The following LEF1 variants were observed in gnomAD, a reference collection of about 807,000 sequenced individuals.
The protein encoded by LEF1 is lymphoid enhancer-binding factor 1.
A neutral mutation model predicts 51.2 loss-of-function variants in LEF1; 14 were observed. The ratio of observed to expected loss-of-function variants is 0.27; its 90% CI spans 0.18 to 0.43. The LOEUF is 0.43. LEF1 is among the 20% of genes least tolerant of loss of function. The probability of loss-of-function intolerance (pLI) is 1.00; values close to 1 mark genes in which losing one functional copy is unlikely to be tolerated. For synonymous variants in LEF1, 185 were observed against 183.2 expected (o/e 1.01, Z -0.08); for missense variants, 386 against 512.0 (o/e 0.75, Z 2.37).
intron 3 of LEF1, among the ~76,000 whole-genome samples, chr4:108,126,805 A>C (rs1184005092): frequency 2.4e-4 from 3 of 12,456 alleles, no homozygotes; most frequent in Non-Finnish European, 1.1e-3. Context: ...ACTTTCTCTC[A>C]AAAAAAAAAA....
intron 1 of LEF1, among the ~76,000 whole-genome samples, chr4:108,165,728 C>T (rs143309126): frequency 6.6e-6 from 1 of 152,322 alleles, no homozygotes; most frequent in Non-Finnish European, 1.5e-5. Flanking sequence ...TGCAGGCTTA[C>T]AAAAGTAGAA....
intron 9 of LEF1, 171 bp downstream of exon 9, chr4:108,070,492 C>T (rs1738399287): frequency 4.8e-6 from 2 of 418,136 alleles, no homozygotes; most frequent in Non-Finnish European, 8.5e-6. Context: ...AAAAAGATAG[C>T]TCGAAGCTTT....
intron 3 of LEF1, among the ~76,000 whole-genome samples, chr4:108,115,373 C>T (rs1741769667): frequency 6.6e-6 from 1 of 152,130 alleles, no homozygotes; most frequent in Admixed American, 6.5e-5. Context: ...ATGGTGAGTC[C>T]ATGTCATTCT....
At chr4:108,119,674 A>G (rs1490667229) in intron 3 of LEF1, among the ~76,000 whole-genome samples, 1 of 151,758 alleles carries the variant, frequency 6.6e-6, no homozygotes, top group Admixed American at 6.6e-5. Context: ...TCATTACAAA[A>G]AGAAACACAT....
At chr4:108,115,846 TACACACACACACACACACACACACAC>T (rs55839332) in intron 3 of LEF1, among the ~76,000 whole-genome samples, 2 of 139,376 alleles carry the variant, frequency 1.4e-5, no homozygotes, top group African/African-American at 5.4e-5. Context: ...ATGTAACACA[TACACACACACACACACACACACACAC>T]ACACACACAC....
rs1468368764 is a variant in LEF1 at position 108,064,320 on chromosome 4, G to T, written c.1165+16C>A. 6.3e-7 allele frequency: 1 copy of T among 1,599,460 alleles called. No individual in the cohort carries two copies. Among genetic ancestry groups the T allele is most frequent in the Non-Finnish European group, 8.6e-7 (1 of 1,166,814 alleles). On this transcript the variant is annotated intron_variant, in intron 10 of 11. Coordinates refer to ENST00000265165, the MANE Select transcript of LEF1 (RefSeq NM_016269.5). Reference sequence around the variant, plus strand: ...CAGAAGCCTGAGGATTGACTGGAAAGTCTCATGGTGCCTACCTGATGCAGA... The same window carrying T: ...CAGAAGCCTGAGGATTGACTGGAAATTCTCATGGTGCCTACCTGATGCAGA...
rs78798762 is a variant in LEF1 at position 108,094,959 on chromosome 4, C to A, written c.415-5702G>T. ...TCTCAAGCCTTCCCAGAAAGAGAGG[C>A]AGATTTACTCCAAAAGGATACATTG... On this transcript the variant is annotated intron_variant, in intron 3 of 11. Coordinates refer to ENST00000265165, the MANE Select transcript of LEF1 (RefSeq NM_016269.5). Among the ~76,000 whole-genome samples the A allele has an allele frequency of 7.6e-3, 1,164 of 152,292 alleles. 14 individuals carry two copies. The highest frequency in any genetic ancestry group is 0.026 in the African/African-American group (1,068 of 41,552).
At chr4:108,144,028 TGAAAA>T (rs1397820226) in intron 3 of LEF1, among the ~76,000 whole-genome samples, 4 of 152,008 alleles carry the variant, frequency 2.6e-5, no homozygotes, top group African/African-American at 9.6e-5. Context: ...TGCTCCTTAC[TGAAAA>T]GAAAAGAAAA....
intron 3 of LEF1, among the ~76,000 whole-genome samples, chr4:108,118,738 G>A (rs1207661794): frequency 6.6e-6 from 1 of 152,130 alleles, no homozygotes; most frequent in Non-Finnish European, 1.5e-5. Context: ...GATGGCCACT[G>A]CAGCCTGCTC....
chr4:108,149,854 A>G (rs1744258460), intron 3 of LEF1, among the ~76,000 whole-genome samples: 2 of 151,974 alleles, frequency 1.3e-5, no homozygotes, highest in South Asian at 4.1e-4. Flanking sequence ...CAATTCATCA[A>G]AATGAAACCA....
At chr4:108,095,604 G>C (rs1369455887) in intron 3 of LEF1, among the ~76,000 whole-genome samples, 1 of 152,182 alleles carries the variant, frequency 6.6e-6, no homozygotes, top group Non-Finnish European at 1.5e-5. Flanking sequence ...ACCACTTGGA[G>C]AAAACTGATA....
intron 3 of LEF1, among the ~76,000 whole-genome samples, chr4:108,111,121 A>G (rs1741507277): frequency 6.6e-6 from 1 of 152,232 alleles, no homozygotes; most frequent in African/African-American, 2.4e-5. Flanking sequence ...GAAAGAACAC[A>G]TAATGAAAAG....
At position 108,081,696 on chromosome 4, in the gene LEF1, TCA is replaced by T. The variant is rs374969532; in HGVS notation, c.639-29_639-28del. 90 of 1,582,904 alleles carry T rather than the reference TCA, an allele frequency of 5.7e-5. 1 individual carries two copies. In the East Asian group the frequency reaches 7.4e-4, roughly 13 times the overall value. ...TGAGGTCACAGAAGAAAGGAACCCA[TCA>T]ATGACAAAACACCAGTTACCAACCA... On this transcript the variant is annotated intron_variant, in intron 5 of 11. Coordinates refer to ENST00000265165, the MANE Select transcript of LEF1 (RefSeq NM_016269.5).
intron 5 of LEF1, 146 bp from the exon 6 acceptor site, chr4:108,081,815 A>T: frequency 1.6e-6 from 1 of 632,098 alleles, no homozygotes; most frequent in Non-Finnish European, 2.8e-6. Flanking sequence ...CAGAAACGTA[A>T]CCGTTCCCCT....
rs75728204 is a variant in LEF1, at chr4:108,066,401, T to A, written c.1117-2017A>T. 4.1e-3 allele frequency among the ~76,000 whole-genome samples: 619 copies of A among 152,326 alleles called. 19 individuals carry two copies. In the East Asian group the frequency reaches 0.061, roughly 15 times the overall value. On this transcript the variant is annotated intron_variant, in intron 9 of 11. Coordinates refer to ENST00000265165, the MANE Select transcript of LEF1 (RefSeq NM_016269.5). ...CTCTGCTCCACACCTTGTTGGTCCA[T>A]CCCTCAGGCAGAGCTGGGGCTCTTC...
At chr4:108,051,367 C>T (rs1328009429) in intron 11 of LEF1, among the ~76,000 whole-genome samples, 1 of 152,146 alleles carries the variant, frequency 6.6e-6, no homozygotes, top group African/African-American at 2.4e-5. Flanking sequence ...GTCTTACTTC[C>T]AAGTGGGAGA....
rs574079007 is a variant in LEF1, at chr4:108,070,855, A to T, written c.1009-85T>A. On this transcript the variant is annotated intron_variant, in intron 8 of 11. Transcript: ENST00000265165. ...TATGTTTCAAAAATCAAAAAATGAA[A>T]ATATTAAGCATTTAAACTTTGATTT... 246 of 904,962 alleles carry T rather than the reference A, an allele frequency of 2.7e-4. 2 individuals carry two copies. In the South Asian group the frequency reaches 3.6e-3, roughly 13 times the overall value. 56.1% of individuals were successfully genotyped at this position (904,962 alleles called of 1,614,324 possible).
intron 3 of LEF1, among the ~76,000 whole-genome samples, chr4:108,123,432 GTTTTTTTTTT>G (rs34015287): frequency 4.1e-5 from 3 of 72,370 alleles, no homozygotes; most frequent in South Asian, 1.2e-3. Flanking sequence ...GCTAGGGTTG[GTTTTTTTTTT>G]TTTTTTTTTT....
chr4:108,131,388 TA>T (rs34472924), intron 3 of LEF1, among the ~76,000 whole-genome samples: 70,050 of 139,130 alleles, frequency 0.5, 17,203 homozygotes, highest in Middle Eastern at 0.67. Flanking sequence ...ACCCTATCTC[TA>T]AAAAAAAAAA....
Sources: gnomAD v4.1 joint callset for allele counts (sites outside exome capture counted in the v4.1 genomes callset) on GRCh38, gnomAD v4.1.1 for gene constraint, MANE v1.5 for transcripts, NCBI Gene and HGNC (gene_info 2026-07-23, HGNC 2026-07-21) for gene names.